The following NPAS3 variants were observed in gnomAD, a reference collection of about 807,000 sequenced individuals.
The protein encoded by NPAS3 is neuronal PAS domain-containing protein 3.
A neutral mutation model predicts 73.1 loss-of-function variants in NPAS3; 14 were observed. That is an observed-to-expected ratio of 0.19 (90% CI 0.13 to 0.30). The LOEUF is 0.30. Among genes scored for constraint, NPAS3 ranks in the 10% least tolerant of loss-of-function variants. The pLI, the probability that NPAS3 is intolerant of heterozygous loss-of-function variation, is 1.00. For synonymous variants in NPAS3, 620 were observed against 541.5 expected (o/e 1.14, Z -2.01); for missense variants, 1,096 against 1,250.0 (o/e 0.88, Z 1.86).
chr14:33,104,843 TA>T (rs1406080909), intron 2 of NPAS3, among the ~76,000 whole-genome samples: 3 of 152,166 alleles, frequency 2.0e-5, no homozygotes, highest in Non-Finnish European at 4.4e-5. Context: ...AGTATGGATT[TA>T]AAAAAATATG....
chr14:33,460,592 G>A (rs2050216620), intron 4 of NPAS3, among the ~76,000 whole-genome samples: 1 of 152,236 alleles, frequency 6.6e-6, no homozygotes. Context: ...ATAAGCTCAT[G>A]ATGATTTTAT....
At chr14:33,777,408 T>C (rs1202174419) in intron 8 of NPAS3, among the ~76,000 whole-genome samples, 1 of 152,116 alleles carries the variant, frequency 6.6e-6, no homozygotes, top group Non-Finnish European at 1.5e-5. Context: ...GGGTAATATA[T>C]TTTAATTATG....
rs2063666871 is a variant in NPAS3 at position 33,800,439 on chromosome 14, T to C, written c.2132T>C (p.Ile711Thr). The change falls in exon 12 of 12, where the codon ATT becomes ACT. Residue 711 changes from isoleucine to threonine, a missense_variant. Coordinates refer to ENST00000356141, the Ensembl canonical transcript of NPAS3. The surrounding 1 kb of genome is among the most constrained non-coding windows in gnomAD (Gnocchi z 6.5). ...GGTGGCGGGGGGCTGCACGTGGCCA[T>C]TCCCGACTCGGTCCTCACCCCGCCC... 6.3e-7 allele frequency: 1 copy of C among 1,575,440 alleles called. No homozygotes were observed. The highest frequency in any genetic ancestry group is 1.8e-5 in the Admixed American group (1 of 54,674).
At chr14:33,094,876 A>C (rs1224854281) in intron 2 of NPAS3, among the ~76,000 whole-genome samples, 2 of 152,210 alleles carry the variant, frequency 1.3e-5, no homozygotes, top group East Asian at 3.9e-4. Flanking sequence ...TTTTTGCTTT[A>C]AATCTTGGTG....
intron 2 of NPAS3, among the ~76,000 whole-genome samples, chr14:33,172,464 G>A (rs899553401): frequency 2.6e-5 from 4 of 152,116 alleles, no homozygotes; most frequent in African/African-American, 9.7e-5. Flanking sequence ...GGCCAGACCC[G>A]GTGGCTCAGG....
At chr14:33,322,632 TTC>T (rs1365397756) in intron 3 of NPAS3, among the ~76,000 whole-genome samples, 2 of 152,164 alleles carry the variant, frequency 1.3e-5, no homozygotes, top group Admixed American at 6.6e-5. Context: ...TTTTTTAAAT[TTC>T]TGTTTTTATA....
chr14:33,013,633 T>C (rs1055301916), intron 1 of NPAS3, among the ~76,000 whole-genome samples: 2 of 152,222 alleles, frequency 1.3e-5, no homozygotes, highest in Non-Finnish European at 2.9e-5. Flanking sequence ...TACACACTGA[T>C]CTTACTATGC....
intron 3 of NPAS3, among the ~76,000 whole-genome samples, chr14:33,239,863 G>GT (rs33957230): frequency 0.31 from 46,414 of 150,966 alleles, 7,266 homozygotes; most frequent in African/African-American, 0.33. Context: ...ATTAGAAATA[G>GT]TTTTTTTTTC....
Position 33,083,178 on chromosome 14 carries a change from C to CAAAA in NPAS3, c.140+27217_140+27220dup, listed in dbSNP as rs57147759. 5.5e-4 allele frequency among the ~76,000 whole-genome samples: 36 copies of CAAAA among 65,016 alleles called. 3 individuals are homozygous for CAAAA. Among genetic ancestry groups the CAAAA allele is most frequent in the Non-Finnish European group, 9.9e-4 (29 of 29,246 alleles). The allele number at this position is 65,016 out of a possible 152,430, so 42.7% of individuals were successfully genotyped here. A position where few individuals can be genotyped will look rare whatever the true frequency, so the allele number is the denominator to read the frequency against. On this transcript the variant is annotated intron_variant, in intron 2 of 11. Coordinates refer to ENST00000356141, the Ensembl canonical transcript of NPAS3. The stretch of plus-strand genomic sequence containing the variant: ...AGCCTGGGTAATGGCGAGACTGTCT[C>CAAAA]AAAAAAAAAAAAAAAAAAAAAAAAA...
chr14:33,136,141 ACC>A (rs2043826722), intron 2 of NPAS3, among the ~76,000 whole-genome samples: 1 of 148,514 alleles, frequency 6.7e-6, no homozygotes, highest in Non-Finnish European at 1.5e-5. Context: ...GCTCACTGCA[ACC>A]TCCGCCTCCC....
chr14:33,801,209 T>A (rs532528411), downstream of NPAS3: 123 of 1,497,516 alleles, frequency 8.2e-5, no homozygotes, highest in African/African-American at 1.5e-3. Context: ...TTCGAGCAGG[T>A]CAGCGTCTTC....
At chr14:33,027,013 G>C (rs1372673171) in intron 1 of NPAS3, among the ~76,000 whole-genome samples, 2 of 152,178 alleles carry the variant, frequency 1.3e-5, no homozygotes, top group African/African-American at 4.8e-5. Context: ...GGTGGTGTTA[G>C]ATGTGATGTG....
intron 4 of NPAS3, among the ~76,000 whole-genome samples, chr14:33,514,804 T>G (rs1330827305): frequency 6.6e-6 from 1 of 152,052 alleles, no homozygotes; most frequent in Admixed American, 6.6e-5. Flanking sequence ...AATTACCCAT[T>G]AAAGTCATTT....
At chr14:32,981,757 G>C (rs942125487) in intron 1 of NPAS3, among the ~76,000 whole-genome samples, 11 of 152,144 alleles carry the variant, frequency 7.2e-5, no homozygotes, top group Admixed American at 5.2e-4. Flanking sequence ...TGTGGAGCGG[G>C]GGGTGAGAGG....
intron 4 of NPAS3, among the ~76,000 whole-genome samples, chr14:33,522,212 AT>A (rs1319383672): frequency 1.3e-5 from 2 of 152,234 alleles, no homozygotes; most frequent in Non-Finnish European, 2.9e-5. Flanking sequence ...TTCTTCAGAA[AT>A]TCACGTGACA....
intron 4 of NPAS3, among the ~76,000 whole-genome samples, chr14:33,442,566 T>G (rs916855488): frequency 1.3e-5 from 2 of 152,208 alleles, no homozygotes; most frequent in African/African-American, 4.8e-5. Context: ...ATCCTCATGA[T>G]AGTAAGTTCT....
chr14:33,735,140 T>G (rs2061490691), intron 6 of NPAS3, 74 bp from the exon 7 acceptor site: 2 of 988,690 alleles, frequency 2.0e-6, no homozygotes, highest in South Asian at 1.3e-5. Flanking sequence ...ACTCAAGGAT[T>G]GCACCTGAGC....
chr14:33,104,275 T>C (rs988534694), intron 2 of NPAS3, among the ~76,000 whole-genome samples: 2 of 152,202 alleles, frequency 1.3e-5, no homozygotes, highest in Non-Finnish European at 2.9e-5. Flanking sequence ...CACACATTTA[T>C]TGAAGGGTTG....
Position 33,493,042 on chromosome 14 carries a change from G to C in NPAS3, c.469-67079G>C, listed in dbSNP as rs1269148333. The stretch of plus-strand genomic sequence containing the variant: ...GGTAAGGTATGTTGACCTGATGAGG[G>C]GAGTTTTACAATTAAAGTTACATTC... On this transcript the variant is annotated intron_variant, in intron 4 of 11. Transcript: ENST00000356141. Among the ~76,000 whole-genome samples the C allele has an allele frequency of 2.0e-5, 3 of 152,054 alleles. No homozygotes were observed. The South Asian group carries it at 6.2e-4, about 32-fold the overall frequency.
Sources: allele counts gnomAD v4.1 joint callset (sites outside exome capture counted in the v4.1 genomes callset), GRCh38; gene constraint gnomAD v4.1.1; non-coding constraint Gnocchi (gnomAD v3.1); transcripts MANE v1.5; gene names NCBI Gene and HGNC (gene_info 2026-07-23, HGNC 2026-07-21).